The following FBN2 variants were observed in gnomAD, a reference collection of about 807,000 sequenced individuals.
The protein encoded by FBN2 is fibrillin-2.
Under a neutral mutation model 355.6 loss-of-function variants are expected in FBN2, and 105 were observed. The ratio of observed to expected loss-of-function variants is 0.30; its 90% CI spans 0.25 to 0.35. FBN2 has a LOEUF of 0.35. Ranked by LOEUF, FBN2 falls within the 10% of genes least tolerant of loss-of-function variation. The pLI is 1.00. For synonymous variants in FBN2, 1,350 were observed against 1,301.2 expected (o/e 1.04, Z -0.81); for missense variants, 3,280 against 3,758.7 (o/e 0.87, Z 3.33).
At chr5:128,283,460 C>T (rs1448732627) in intron 55 of FBN2, among the ~76,000 whole-genome samples, 1 of 152,150 alleles carries the variant, frequency 6.6e-6, no homozygotes, top group African/African-American at 2.4e-5. Context: ...CAAAAGCGGC[C>T]ACTTTAGTTC....
At chr5:128,319,519 A>C (rs1197680166) in intron 34 of FBN2, among the ~76,000 whole-genome samples, 1 of 151,768 alleles carries the variant, frequency 6.6e-6, no homozygotes, top group African/African-American at 2.4e-5. Flanking sequence ...AGTTAATTAA[A>C]TAAATTTAGT....
intron 33 of FBN2, among the ~76,000 whole-genome samples, 178 bp from the exon 34 acceptor site, chr5:128,328,999 GC>G: frequency 6.6e-6 from 1 of 152,004 alleles, no homozygotes; most frequent in Admixed American, 6.6e-5. Flanking sequence ...TATTTATCTT[GC>G]CCCCTAACAT....
At chr5:128,499,989 G>A (rs1411229380) in intron 5 of FBN2, among the ~76,000 whole-genome samples, 1 of 152,082 alleles carries the variant, frequency 6.6e-6, no homozygotes, top group African/African-American at 2.4e-5. Flanking sequence ...GGCACCCACA[G>A]AATTAACGTT....
At chr5:128,344,635 A>G in intron 24 of FBN2, 125 bp from the exon 25 acceptor site, 1 of 833,488 alleles carries the variant, frequency 1.2e-6, no homozygotes, top group Non-Finnish European at 2.0e-6. Context: ...AGGGCTACTA[A>G]ATGTTTCAGT....
chr5:128,270,771 A>G (rs1765250195), intron 62 of FBN2, among the ~76,000 whole-genome samples: 1 of 152,228 alleles, frequency 6.6e-6, no homozygotes. Flanking sequence ...TGTTTCTGAT[A>G]TTCTAAAGAG....
chr5:128,530,551 G>C, intron 3 of FBN2, 44 bp downstream of exon 3: 1 of 1,341,978 alleles, frequency 7.5e-7, no homozygotes, highest in Non-Finnish European at 1.1e-6. Context: ...TTGCTCCAAA[G>C]CTTAAGAAAA....
intron 55 of FBN2, among the ~76,000 whole-genome samples, 164 bp from the exon 56 acceptor site, chr5:128,280,481 T>G (rs535715884): frequency 1.3e-5 from 2 of 152,308 alleles, no homozygotes; most frequent in East Asian, 3.9e-4. Flanking sequence ...TTAGCTTTAC[T>G]TCATCCTTCT....
chr5:128,518,567 C>A (rs898531681), intron 5 of FBN2, among the ~76,000 whole-genome samples: 1 of 152,134 alleles, frequency 6.6e-6, no homozygotes, highest in Admixed American at 6.6e-5. Context: ...CACCACCCCC[C>A]ACTTTGCCAT....
rs756426601 is a variant in FBN2, at chr5:128,537,504, G to A, written c.100C>T (p.Pro34Ser). The A allele has an allele frequency of 2.3e-5, 36 of 1,579,338 alleles. No individual in the cohort carries two copies. In the South Asian group the frequency reaches 4.0e-4, roughly 18 times the overall value. ...GGCTGGGGCCGGGGCGGCTTGGGCG[G>A]AGGAGGCTGAGGCTGGCCGGCCGTG... Reference protein sequence around the residue: ...QGTAGQPQPPPPKPPRPQPPP... With the variant: ...QGTAGQPQPPSPKPPRPQPPP... Residue 34 changes from proline (P) to serine (S), a missense_variant, in exon 1 of 65, where the codon CCG (proline) becomes TCG (serine). Coordinates refer to ENST00000262464, the MANE Select transcript of FBN2 (RefSeq NM_001999.4).
rs1749982119 is a variant in FBN2 at position 128,309,788 on chromosome 5, T to A, written c.5200+195A>T. 2.0e-5 allele frequency among the ~76,000 whole-genome samples: 3 copies of A among 152,338 alleles called. No individual in the cohort carries two copies. The South Asian group carries it at 6.2e-4, about 32-fold the overall frequency. ...TTTGAGGAAATTTTCTACATTAGACTCATGCTTTTAAAAATTTAAATGTAT... is the reference window on the plus strand; with the variant it reads ...TTTGAGGAAATTTTCTACATTAGACACATGCTTTTAAAAATTTAAATGTAT... On this transcript the variant is annotated intron_variant, in intron 40 of 64. Coordinates refer to ENST00000262464, the MANE Select transcript of FBN2 (RefSeq NM_001999.4).
chr5:128,345,462 C>T lies in FBN2; in HGVS notation c.3112G>A (p.Glu1038Lys). 6.2e-7 allele frequency: 1 copy of T among 1,614,150 alleles called. No homozygotes were observed. Among genetic ancestry groups the T allele is most frequent in the Non-Finnish European group, 8.5e-7 (1 of 1,179,998 alleles). Reference sequence around the variant, plus strand: ...TTGGTGCCAGGTTTGGGGCACTCCTCACACTCGGTGCCCCAAGCCGCCCCG... The same window carrying T: ...TTGGTGCCAGGTTTGGGGCACTCCTTACACTCGGTGCCCCAAGCCGCCCCG... ...AVGAAWGTEC[E>K]ECPKPGTKEY... The change falls in exon 24 of 65, where the codon GAG becomes AAG. Residue 1038 changes from glutamate to lysine, a missense_variant. Glu to Lys is a moderately conservative substitution (Grantham distance 56, BLOSUM62 1). This residue lies in a region of FBN2 where 2,284 missense variants were observed against 2,749.5 expected (regional missense o/e 0.83). Transcript: ENST00000262464.
rs1388958398 is a variant in FBN2, at chr5:128,306,583, T to C, written c.5422+552A>G. 3.3e-5 allele frequency among the ~76,000 whole-genome samples: 5 copies of C among 151,874 alleles called. No homozygotes were observed. In the South Asian group the frequency reaches 6.2e-4, roughly 19 times the overall value. ...GTTACAGTGAGCTGAGATCGCGCCA[T>C]TGCACTCCAGCCTGGGCAACAAGAG... On this transcript the variant is annotated intron_variant, in intron 42 of 64. Coordinates refer to ENST00000262464, the MANE Select transcript of FBN2 (RefSeq NM_001999.4).
At chr5:128,503,237 CAT>C in intron 5 of FBN2, among the ~76,000 whole-genome samples, 1 of 152,236 alleles carries the variant, frequency 6.6e-6, no homozygotes, top group Non-Finnish European at 1.5e-5. Context: ...GCCTCCCAGA[CAT>C]GTGGAAATGT....
chr5:128,365,052 C>T (rs1326564516), intron 17 of FBN2: 2 of 251,806 alleles, frequency 7.9e-6, no homozygotes, highest in Non-Finnish European at 1.5e-5. Context: ...AAGGAAAACT[C>T]GAGTTGATAG....
Position 128,349,416 on chromosome 5 carries a change from T to A in FBN2, c.2920A>T (p.Ser974Cys), listed in dbSNP as rs1370118665. Reference sequence around the variant, plus strand: ...CACTCGCAATGAAAAGATCCCTTACTGTTGACACAGCGTCCATTTGGACAA... The same window carrying A: ...CACTCGCAATGAAAAGATCCCTTACAGTTGACACAGCGTCCATTTGGACAA... ...GVCPNGRCVN[S>C]KGSFHCECPE... The change falls in exon 23 of 65, where the codon AGT (serine) becomes TGT (cysteine). Residue 974 changes from serine (S) to cysteine (C), a missense_variant. Transcript: ENST00000262464. The A allele has an allele frequency of 6.2e-7, 1 of 1,614,128 alleles. No individual in the cohort carries two copies. The highest frequency in any genetic ancestry group is 1.7e-5 in the Admixed American group (1 of 60,024).
intron 5 of FBN2, among the ~76,000 whole-genome samples, chr5:128,503,166 C>G (rs574598025): frequency 6.6e-6 from 1 of 152,324 alleles, no homozygotes; most frequent in African/African-American, 2.4e-5. Flanking sequence ...CACAAGCTCT[C>G]TTGCCTGCTG....
At chr5:128,447,130 AC>A (rs1300991406) in intron 6 of FBN2, among the ~76,000 whole-genome samples, 1 of 152,066 alleles carries the variant, frequency 6.6e-6, no homozygotes, top group Non-Finnish European at 1.5e-5. Flanking sequence ...TCGCCTCAGG[AC>A]CCTGTGATGA....
intron 18 of FBN2, among the ~76,000 whole-genome samples, chr5:128,364,331 A>G (rs1318983651): frequency 6.6e-6 from 1 of 152,136 alleles, no homozygotes. Flanking sequence ...TTACAGGATT[A>G]AGGTATATGC....
chr5:128,300,160 G>A (rs1457406115), intron 48 of FBN2, among the ~76,000 whole-genome samples: 2 of 152,136 alleles, frequency 1.3e-5, no homozygotes, highest in Non-Finnish European at 2.9e-5. Flanking sequence ...ATCTTTTCAC[G>A]TTAGAAAAAC....
Sources: gnomAD v4.1 joint callset for allele counts (sites outside exome capture counted in the v4.1 genomes callset) on GRCh38, gnomAD v4.1.1 for gene constraint, gnomAD v4.1.1 regional missense constraint, MANE v1.5 for transcripts, NCBI Gene and HGNC (gene_info 2026-07-23, HGNC 2026-07-21) for gene names.